Variants in FBXO33 observed in about 807,000 individuals in gnomAD.
FBXO33 encodes the protein F-box protein 33.
FBXO33 carries 22 observed loss-of-function variants against 46.3 expected under a neutral mutation model. The observed-to-expected ratio is 0.48, with a 90% confidence interval of 0.34 to 0.68. The LOEUF (loss-of-function observed/expected upper bound fraction) is 0.68, where lower values mean the gene tolerates loss of function less well. FBXO33 is among the 30% of genes least tolerant of loss of function. The probability of loss-of-function intolerance (pLI) is 0.01; values close to 1 mark genes in which losing one functional copy is unlikely to be tolerated. For synonymous variants in FBXO33, 337 were observed against 291.3 expected (o/e 1.16, Z -1.60); for missense variants, 692 against 708.8 (o/e 0.98, Z 0.27).
chr14:39,431,516 G>T (rs774765431), intron 1 of FBXO33, 48 bp downstream of exon 1: 4 of 1,602,762 alleles, frequency 2.5e-6, no homozygotes, highest in South Asian at 2.2e-5. Context: ...GTGCGGGGAC[G>T]GAGCGACCCC....
At chr14:39,421,642 G>A (rs2075484570) in intron 1 of FBXO33, among the ~76,000 whole-genome samples, 1 of 152,036 alleles carries the variant, frequency 6.6e-6, no homozygotes, top group Admixed American at 6.5e-5. Context: ...CAATTAAACA[G>A]ACTAACCCAA....
intron 1 of FBXO33, among the ~76,000 whole-genome samples, chr14:39,424,064 C>G (rs1017317515): frequency 6.6e-6 from 1 of 152,106 alleles, no homozygotes; most frequent in South Asian, 2.1e-4. Flanking sequence ...TTTGGTTTTC[C>G]GTTTCTGTGT....
At chr14:39,428,283 G>A (rs1018833295) in intron 1 of FBXO33, among the ~76,000 whole-genome samples, 1 of 151,998 alleles carries the variant, frequency 6.6e-6, no homozygotes, top group African/African-American at 2.4e-5. Context: ...TCTATTCACT[G>A]CAACCTCTGC....
chr14:39,422,670 A>G (rs375609242), intron 1 of FBXO33, among the ~76,000 whole-genome samples: 41 of 152,354 alleles, frequency 2.7e-4, no homozygotes, highest in South Asian at 8.3e-4. Flanking sequence ...AGAGTGTAAA[A>G]CAATAAAGCT....
chr14:39,426,371 C>T (rs1412020168), intron 1 of FBXO33, among the ~76,000 whole-genome samples: 2 of 152,142 alleles, frequency 1.3e-5, no homozygotes, highest in African/African-American at 4.8e-5. Flanking sequence ...CTACCATCAT[C>T]TCTTGCTTAG....
chr14:39,416,026 C>G (rs1017009789), intron 1 of FBXO33, among the ~76,000 whole-genome samples: 3 of 152,130 alleles, frequency 2.0e-5, no homozygotes, highest in African/African-American at 7.2e-5. Flanking sequence ...ACCAGTAGTA[C>G]AATACAATAT....
intron 1 of FBXO33, among the ~76,000 whole-genome samples, chr14:39,417,260 T>C (rs1368724249): frequency 6.6e-6 from 1 of 152,212 alleles, no homozygotes; most frequent in Non-Finnish European, 1.5e-5. Flanking sequence ...CAGCACTGGA[T>C]ATGAGGTGAG....
chr14:39,415,129 A>C (rs2075441464), intron 1 of FBXO33, among the ~76,000 whole-genome samples: 1 of 152,182 alleles, frequency 6.6e-6, no homozygotes, highest in South Asian at 2.1e-4. Context: ...CTGATAACAG[A>C]TCATATCAGA....
intron 1 of FBXO33, among the ~76,000 whole-genome samples, chr14:39,420,176 G>C (rs2075474204): frequency 1.3e-5 from 2 of 152,158 alleles, no homozygotes; most frequent in Admixed American, 6.5e-5. Flanking sequence ...TGGTGGTTAA[G>C]TTCTAAATAT....
intron 1 of FBXO33, among the ~76,000 whole-genome samples, chr14:39,410,390 T>G (rs1161176702): frequency 6.6e-6 from 1 of 152,248 alleles, no homozygotes; most frequent in East Asian, 1.9e-4. Context: ...AAATCCCATT[T>G]AGGATATACG....
In FBXO33 at chr14:39,431,894, C is replaced by T; in HGVS notation, c.269G>A (p.Arg90Gln). Residue 90 changes from arginine (R) to glutamine (Q), a missense_variant, in exon 1 of 4, where the codon CGG (arginine) becomes CAG (glutamine). Transcript: ENST00000298097. Reference sequence around the variant, plus strand: ...CCAGTGCGAGCAGGAGGCCGAGGCCCGCAGCCGGTCGGGCGCCGGCAGAAA... The same window carrying T: ...CCAGTGCGAGCAGGAGGCCGAGGCCTGCAGCCGGTCGGGCGCCGGCAGAAA... ...FSFLPAPDRLRASASCSHWRE... is the reference protein window; with the variant it reads ...FSFLPAPDRLQASASCSHWRE... The T allele has an allele frequency of 6.4e-7, 1 of 1,555,360 alleles. No individual in the cohort carries two copies. Among genetic ancestry groups the T allele is most frequent in the Non-Finnish European group, 8.6e-7 (1 of 1,157,014 alleles).
chr14:39,427,368 T>C (rs1208784460), intron 1 of FBXO33, among the ~76,000 whole-genome samples: 1 of 152,174 alleles, frequency 6.6e-6, no homozygotes, highest in African/African-American at 2.4e-5. Context: ...CTGCTGGGAA[T>C]GCAGTGTCAC....
chr14:39,423,727 G>A (rs1274359031), intron 1 of FBXO33, among the ~76,000 whole-genome samples: 1 of 152,118 alleles, frequency 6.6e-6, no homozygotes, highest in Admixed American at 6.5e-5. Flanking sequence ...TCAGGATAAT[G>A]GTTACCTTTG....
chr14:39,418,474 TA>T (rs927758092), intron 1 of FBXO33, among the ~76,000 whole-genome samples: 2 of 150,440 alleles, frequency 1.3e-5, no homozygotes, highest in African/African-American at 2.4e-5. Context: ...TCAAAATCGT[TA>T]AAAAAATTAA....
chr14:39,404,876 C>T (rs1471660551), intron 1 of FBXO33, among the ~76,000 whole-genome samples: 3 of 151,742 alleles, frequency 2.0e-5, no homozygotes, highest in South Asian at 2.1e-4. Context: ...AGGCTGGGCG[C>T]GGTGGCTCAC....
intron 1 of FBXO33, among the ~76,000 whole-genome samples, chr14:39,421,780 TCACACACA>T (rs10582893): frequency 0.028 from 4,226 of 149,148 alleles, 158 homozygotes; most frequent in African/African-American, 0.085. Context: ...TGAGTACAAA[TCACACACA>T]CACACACACA....
intron 1 of FBXO33, among the ~76,000 whole-genome samples, chr14:39,425,050 C>CA (rs907840415): frequency 4.8e-4 from 70 of 144,808 alleles, no homozygotes; most frequent in Admixed American, 2.1e-3. Flanking sequence ...GACTCCATCT[C>CA]AAAAAAAAAA....
Position 39,398,488 on chromosome 14 carries a change from T to A in FBXO33, c.*1028A>T, listed in dbSNP as rs887766058. ...TTCTTTTTTTTTTTTTTTTGTTTTG[T>A]TTTTTCAGAGTTCTGAGGTTGCTGA... On this transcript the variant is annotated 3_prime_UTR_variant, in exon 4 of 4. Transcript: ENST00000298097. 1 of 150,798 alleles carries A rather than the reference T, an allele frequency of 6.6e-6. No homozygotes were observed. Among genetic ancestry groups the A allele is most frequent in the African/African-American group, 2.5e-5 (1 of 40,684 alleles). The allele number at this position is 150,798 out of a possible 1,614,324, so 9.3% of individuals were successfully genotyped here.
chr14:39,430,148 G>T (rs750576297), intron 1 of FBXO33, among the ~76,000 whole-genome samples: 6 of 152,124 alleles, frequency 3.9e-5, no homozygotes, highest in Non-Finnish European at 8.8e-5. Flanking sequence ...GGGTCAGTTG[G>T]TCCTCTAGCC....
Sources: gnomAD v4.1 joint callset for allele counts (sites outside exome capture counted in the v4.1 genomes callset) on GRCh38, gnomAD v4.1.1 for gene constraint, MANE v1.5 for transcripts, NCBI Gene and HGNC (gene_info 2026-07-23, HGNC 2026-07-21) for gene names.